SLC41A3: variants seen among roughly 807,000 people sequenced by gnomAD.
The protein encoded by SLC41A3 is solute carrier family 41 member 3.
SLC41A3 carries 44 observed loss-of-function variants against 45.4 expected under a neutral mutation model. The observed-to-expected ratio is 0.97, with a 90% CI of 0.76 to 1.25. The LOEUF is 1.25. Among genes scored for constraint, SLC41A3 ranks in the 50% most tolerant of loss-of-function variants. The pLI, the probability that SLC41A3 is intolerant of heterozygous loss-of-function variation, is 0.00. For synonymous variants in SLC41A3, 256 were observed against 252.4 expected (o/e 1.01, Z -0.13); for missense variants, 550 against 600.6 (o/e 0.92, Z 0.88).
chr3:126,082,978 C>A (rs1432558193), intron 1 of SLC41A3, among the ~76,000 whole-genome samples: 1 of 152,244 alleles, frequency 6.6e-6, no homozygotes, highest in Non-Finnish European at 1.5e-5. Context: ...CAGCTCCTCC[C>A]CTTTCTAGGT....
At chr3:126,032,763 A>G (rs1576265773) in intron 4 of SLC41A3, among the ~76,000 whole-genome samples, 2 of 152,148 alleles carry the variant, frequency 1.3e-5, no homozygotes, top group African/African-American at 4.8e-5. Context: ...TGCGGGATAA[A>G]GTAGGTATCA....
chr3:126,086,498 C>CTGTGTGTGTGTGTG (rs57609698), upstream of SLC41A3, among the ~76,000 whole-genome samples: 1 of 133,146 alleles, frequency 7.5e-6, no homozygotes, highest in African/African-American at 2.8e-5. Flanking sequence ...GCTATAGGAT[C>CTGTGTGTGTGTGTG]TGTGTGTGTG....
chr3:126,023,203 C>A, intron 5 of SLC41A3: 1 of 361,740 alleles, frequency 2.8e-6, no homozygotes, highest in Non-Finnish European at 5.0e-6. Context: ...AGGAGTGACC[C>A]GTGGCTCCCG....
intron 2 of SLC41A3, among the ~76,000 whole-genome samples, chr3:126,061,408 T>A (rs1253463571): frequency 6.6e-6 from 1 of 152,050 alleles, no homozygotes; most frequent in Non-Finnish European, 1.5e-5. Flanking sequence ...CACCTCCTCC[T>A]GGGGAAGGGG....
chr3:126,076,486 T>A (rs1464471078), intron 1 of SLC41A3, among the ~76,000 whole-genome samples: 1 of 152,238 alleles, frequency 6.6e-6, no homozygotes, highest in African/African-American at 2.4e-5. Flanking sequence ...CAAGTCTTTG[T>A]GTGAATATAA....
At chr3:126,075,755 G>A (rs1944852345) in intron 1 of SLC41A3, among the ~76,000 whole-genome samples, 1 of 151,962 alleles carries the variant, frequency 6.6e-6, no homozygotes, top group Non-Finnish European at 1.5e-5. Context: ...CAATAAACGG[G>A]GCTGGGACAA....
chr3:126,033,586 T>G (rs772830855), intron 4 of SLC41A3, 21 bp downstream of exon 4: 1 of 1,608,204 alleles, frequency 6.2e-7, no homozygotes, highest in East Asian at 2.2e-5. Flanking sequence ...GAAGGGAGGG[T>G]CGGACAAGGT....
At chr3:126,033,763 G>T in intron 3 of SLC41A3, 85 bp from the exon 4 acceptor site, 2 of 1,383,034 alleles carry the variant, frequency 1.4e-6, no homozygotes, top group Non-Finnish European at 2.0e-6. Flanking sequence ...GTCTCTCAGG[G>T]AAGAAATCAA....
chr3:126,059,287 A>AAAGAAAGAAAGAGAGAGAAAG (rs1943904259), intron 2 of SLC41A3, among the ~76,000 whole-genome samples: 1 of 127,146 alleles, frequency 7.9e-6, no homozygotes, highest in Non-Finnish European at 1.8e-5. Flanking sequence ...AGAAAGAAAG[A>AAAGAAAGAAAGAGAGAGAAAG]AAGAAAGAAA....
chr3:126,073,618 C>T (rs909084907), intron 1 of SLC41A3, among the ~76,000 whole-genome samples: 1 of 151,958 alleles, frequency 6.6e-6, no homozygotes, highest in Non-Finnish European at 1.5e-5. Context: ...AATTAGAAAA[C>T]CTAGATGAAA....
intron 6 of SLC41A3, 39 bp from the exon 7 acceptor site, chr3:126,016,914 A>G (rs1940354591): frequency 1.2e-6 from 2 of 1,602,618 alleles, no homozygotes; most frequent in Non-Finnish European, 1.7e-6. Context: ...TCATGTGGCC[A>G]AGGCCAGCAC....
At chr3:126,009,917 T>C (rs1010122205) in intron 9 of SLC41A3, among the ~76,000 whole-genome samples, 5 of 152,170 alleles carry the variant, frequency 3.3e-5, no homozygotes, top group African/African-American at 1.2e-4. Context: ...TTAGAAAATA[T>C]AACACGGAGT....
intron 2 of SLC41A3, among the ~76,000 whole-genome samples, chr3:126,059,099 C>T (rs1014534077): frequency 1.3e-5 from 2 of 151,370 alleles, no homozygotes; most frequent in African/African-American, 4.9e-5. Context: ...CTCACTGCTG[C>T]AATCTTGGGG....
At chr3:126,040,154 T>C (rs181180436) in intron 3 of SLC41A3, among the ~76,000 whole-genome samples, 21 of 152,326 alleles carry the variant, frequency 1.4e-4, no homozygotes, top group Admixed American at 1.4e-3. Flanking sequence ...AGAATAAATA[T>C]GGGTGCTGGC....
intron 3 of SLC41A3, among the ~76,000 whole-genome samples, chr3:126,045,988 TG>T (rs1250554573): frequency 6.7e-6 from 1 of 148,164 alleles, no homozygotes; most frequent in East Asian, 1.9e-4. Flanking sequence ...ACAGAATCAA[TG>T]GGGGGAAAAA....
chr3:126,043,975 C>G (rs1423654332), intron 3 of SLC41A3, among the ~76,000 whole-genome samples: 1 of 152,004 alleles, frequency 6.6e-6, no homozygotes, highest in Non-Finnish European at 1.5e-5. Context: ...ATCCCTCAAT[C>G]AAAATACAAA....
chr3:126,016,638 T>G (rs1176940914), intron 7 of SLC41A3, 93 bp downstream of exon 7: 4 of 1,475,204 alleles, frequency 2.7e-6, no homozygotes, highest in Admixed American at 2.4e-5. Flanking sequence ...TTCACTCCAT[T>G]CCTGTCCCCC....
At chr3:126,015,661 C>A in intron 7 of SLC41A3, 88 bp from the exon 8 acceptor site, 1 of 1,314,264 alleles carries the variant, frequency 7.6e-7, no homozygotes. Context: ...CCTTTCAGCC[C>A]AGCTTCCCAT....
At chr3:126,013,575 A>C (rs552945871) in intron 8 of SLC41A3, among the ~76,000 whole-genome samples, 321 of 150,266 alleles carry the variant, frequency 2.1e-3, no homozygotes, top group African/African-American at 7.7e-3. Context: ...AAAAAAAAAA[A>C]GAATGAGAGG....
Sources: allele counts gnomAD v4.1 joint callset (sites outside exome capture counted in the v4.1 genomes callset), GRCh38; gene constraint gnomAD v4.1.1; transcripts MANE v1.5; gene names NCBI Gene and HGNC (gene_info 2026-07-23, HGNC 2026-07-21).